The following ZFPM2 variants were observed in gnomAD, a reference collection of about 807,000 sequenced individuals.
ZFPM2 encodes zinc finger protein ZFPM2.
ZFPM2 carries 20 observed loss-of-function variants against 98.6 expected under a neutral mutation model. The observed-to-expected ratio is 0.20, with a 90% CI of 0.14 to 0.29. The LOEUF (loss-of-function observed/expected upper bound fraction) is 0.29, where lower values mean the gene tolerates loss of function less well. Ranked by LOEUF, ZFPM2 falls within the 10% of genes least tolerant of loss-of-function variation. The probability of loss-of-function intolerance (pLI) is 1.00; values close to 1 mark genes in which losing one functional copy is unlikely to be tolerated. For missense variants in ZFPM2, 1,310 were observed against 1,388.6 expected (o/e 0.94, Z 0.90); for synonymous variants, 518 against 502.7 (o/e 1.03, Z -0.41).
At chr8:105,400,014 C>T (rs772727197) in intron 1 of ZFPM2, among the ~76,000 whole-genome samples, 16 of 152,164 alleles carry the variant, frequency 1.1e-4, no homozygotes, top group East Asian at 5.8e-4. Context: ...GTAATCCGCT[C>T]GTCTCGGCCT....
chr8:105,773,659 A>G (rs1388076902), intron 5 of ZFPM2, among the ~76,000 whole-genome samples: 1 of 151,134 alleles, frequency 6.6e-6, no homozygotes, highest in Non-Finnish European at 1.5e-5. Flanking sequence ...GAGAAAAAAG[A>G]TAAATAAAAT....
At chr8:105,436,968 A>G (rs1812133072) in intron 2 of ZFPM2, among the ~76,000 whole-genome samples, 1 of 152,224 alleles carries the variant, frequency 6.6e-6, no homozygotes, top group Admixed American at 6.5e-5. Flanking sequence ...TGAAATGAAT[A>G]TAAATTAAAT....
intron 4 of ZFPM2, among the ~76,000 whole-genome samples, chr8:105,632,469 C>T (rs563034553): frequency 6.6e-6 from 1 of 152,214 alleles, no homozygotes; most frequent in Admixed American, 6.5e-5. Context: ...CACGCCCGAC[C>T]ACCAGATCCT....
At chr8:105,752,643 A>G (rs1484137483) in intron 5 of ZFPM2, among the ~76,000 whole-genome samples, 1 of 152,140 alleles carries the variant, frequency 6.6e-6, no homozygotes, top group Non-Finnish European at 1.5e-5. Context: ...ATCTGTTTTT[A>G]AAATTAACCA....
intron 4 of ZFPM2, among the ~76,000 whole-genome samples, chr8:105,592,658 G>A (rs866916217): frequency 7.2e-5 from 11 of 152,114 alleles, no homozygotes; most frequent in African/African-American, 2.2e-4. Context: ...AATTCTGTGA[G>A]TTGAAAGAGG....
Position 105,782,235 on chromosome 8 carries a change from G to A in ZFPM2, c.533-6483G>A, listed in dbSNP as rs1467160584. Among the ~76,000 whole-genome samples the A allele has an allele frequency of 2.0e-5, 3 of 152,210 alleles. No homozygotes were observed. The East Asian group carries it at 5.8e-4, about 29-fold the overall frequency. ...GTGATTATTACTATTATTAGCACAT[G>A]ATGATGGAAGCATAAAAAGATGCTC... On this transcript the variant is annotated intron_variant, in intron 5 of 7. Transcript: ENST00000407775.
chr8:105,425,450 G>A (rs79515328), intron 2 of ZFPM2, among the ~76,000 whole-genome samples: 1,823 of 152,262 alleles, frequency 0.012, 34 homozygotes, highest in African/African-American at 0.041. Flanking sequence ...GTTTGGGGGT[G>A]TCTGAGGATG....
At chr8:105,700,501 C>A (rs184933548) in intron 5 of ZFPM2, among the ~76,000 whole-genome samples, 3 of 152,142 alleles carry the variant, frequency 2.0e-5, no homozygotes, top group African/African-American at 4.8e-5. Context: ...GGTTATTGTC[C>A]AGAATTTTAA....
intron 4 of ZFPM2, among the ~76,000 whole-genome samples, chr8:105,611,078 C>T (rs894834667): frequency 6.6e-6 from 1 of 152,180 alleles, no homozygotes; most frequent in African/African-American, 2.4e-5. Context: ...TGTCAGGCTT[C>T]TGTGGCCATT....
intron 3 of ZFPM2, among the ~76,000 whole-genome samples, chr8:105,482,086 G>T (rs575069592): frequency 7.9e-5 from 12 of 152,154 alleles, no homozygotes; most frequent in African/African-American, 2.7e-4. Flanking sequence ...TATGGCAAAA[G>T]GTATGTTTCC....
chr8:105,605,046 C>T (rs1292047214), intron 4 of ZFPM2, among the ~76,000 whole-genome samples: 1 of 152,018 alleles, frequency 6.6e-6, no homozygotes, highest in Non-Finnish European at 1.5e-5. Flanking sequence ...TTTTCATTGC[C>T]ATTCTCATTC....
In ZFPM2 at chr8:105,558,071, A is replaced by AGTC. The variant is rs1815040486; in HGVS notation, c.302-3292_302-3291insGTC. Among the ~76,000 whole-genome samples, 4 of 72,448 alleles carry AGTC rather than the reference A, an allele frequency of 5.5e-5. No homozygotes were observed. In the African/African-American group the frequency reaches 6.7e-4, roughly 12 times the overall value. The allele number at this position is 72,448 out of a possible 152,430, so 47.5% of individuals were successfully genotyped here. Reference sequence around the variant, plus strand: ...GGTTATTGAACAGAATTGGTGTAAAAATCTTACTTTTAGTGCAGTAATCTT... The same window carrying AGTC: ...GGTTATTGAACAGAATTGGTGTAAAAGTCATCTTACTTTTAGTGCAGTAATCTT... On this transcript the variant is annotated intron_variant, in intron 3 of 7. Transcript: ENST00000407775.
At chr8:105,325,898 T>G (rs1812105210) in intron 1 of ZFPM2, among the ~76,000 whole-genome samples, 1 of 151,812 alleles carries the variant, frequency 6.6e-6, no homozygotes, top group Admixed American at 6.6e-5. Context: ...TAGGTAGAAT[T>G]GGTTTTGGTC....
At chr8:105,614,902 CAG>C (rs1489301154) in intron 4 of ZFPM2, among the ~76,000 whole-genome samples, 1 of 152,090 alleles carries the variant, frequency 6.6e-6, no homozygotes, top group Non-Finnish European at 1.5e-5. Context: ...AAAATGAAGA[CAG>C]TGTCATTTTT....
chr8:105,373,794 A>C (rs1810669482), intron 1 of ZFPM2, among the ~76,000 whole-genome samples: 1 of 152,148 alleles, frequency 6.6e-6, no homozygotes, highest in South Asian at 2.1e-4. Flanking sequence ...ATAAAGGAAA[A>C]CGCTGTCCCT....
chr8:105,736,472 G>C (rs1485536739), intron 5 of ZFPM2, among the ~76,000 whole-genome samples: 1 of 151,848 alleles, frequency 6.6e-6, no homozygotes, highest in Non-Finnish European at 1.5e-5. Context: ...TAAAAATAAA[G>C]ACTTTTTTTC....
intron 3 of ZFPM2, among the ~76,000 whole-genome samples, chr8:105,525,860 A>G (rs915362296): frequency 6.6e-6 from 1 of 152,194 alleles, no homozygotes; most frequent in African/African-American, 2.4e-5. Flanking sequence ...AAAATAAAGC[A>G]CTTAAAATTA....
At chr8:105,567,084 A>G (rs1460049262) in intron 4 of ZFPM2, among the ~76,000 whole-genome samples, 1 of 152,160 alleles carries the variant, frequency 6.6e-6, no homozygotes, top group Non-Finnish European at 1.5e-5. Context: ...TTATAATTAG[A>G]ATTATTAATT....
At position 105,431,813 on chromosome 8, in the gene ZFPM2, G is replaced by A. The variant is rs1448410741; in HGVS notation, c.200-12467G>A. Among the ~76,000 whole-genome samples the A allele has an allele frequency of 3.3e-5, 5 of 151,626 alleles. No homozygotes were observed. The Admixed American group carries it at 3.3e-4, about 10-fold the overall frequency. On this transcript the variant is annotated intron_variant, in intron 2 of 7. Transcript: ENST00000407775. ...TGCATACCTGTGGCCCCAGCTACTTGGGAGGCTAAGGTAGAAGAGTTGCTT... is the reference window on the plus strand; with the variant it reads ...TGCATACCTGTGGCCCCAGCTACTTAGGAGGCTAAGGTAGAAGAGTTGCTT...
Sources: gnomAD v4.1 joint callset for allele counts (sites outside exome capture counted in the v4.1 genomes callset) on GRCh38, gnomAD v4.1.1 for gene constraint, MANE v1.5 for transcripts, NCBI Gene and HGNC (gene_info 2026-07-23, HGNC 2026-07-21) for gene names.